SNX24: variants seen among roughly 807,000 people sequenced by gnomAD.
The protein encoded by SNX24 is sorting nexin 24.
In SNX24, 22 loss-of-function variants were observed where a neutral mutation model predicts 28.7. The observed-to-expected ratio is 0.77, with a 90% CI of 0.55 to 1.10. The LOEUF is 1.10. Ranked by LOEUF, SNX24 falls within the 50% of genes least tolerant of loss-of-function variation. The pLI is 0.00. For synonymous variants in SNX24, 69 were observed against 71.5 expected, an observed-to-expected ratio of 0.96 and a Z score of 0.18; for missense variants, 221 against 201.1, an observed-to-expected ratio of 1.10 and a Z score of -0.60.
chr5:122,954,957 C>T (rs1360961444), intron 3 of SNX24, among the ~76,000 whole-genome samples: 1 of 152,030 alleles, frequency 6.6e-6, no homozygotes, highest in Non-Finnish European at 1.5e-5. Flanking sequence ...AGTACACTTT[C>T]AGCTCCTTCT....
intron 2 of SNX24, among the ~76,000 whole-genome samples, chr5:122,944,514 A>T (rs1759597110): frequency 6.6e-6 from 1 of 152,152 alleles, no homozygotes; most frequent in Admixed American, 6.5e-5. Flanking sequence ...TTCATGTGGG[A>T]TTAGATTTGG....
rs1166929162 is a variant in SNX24 at position 122,974,896 on chromosome 5, C to T, written c.250-25016C>T. Among the ~76,000 whole-genome samples, 6 of 152,190 alleles carry T rather than the reference C, an allele frequency of 3.9e-5. No homozygotes were observed. The East Asian group carries it at 1.2e-3, about 29-fold the overall frequency. On this transcript the variant is annotated intron_variant, in intron 3 of 6. Coordinates refer to ENST00000261369, the MANE Select transcript of SNX24 (RefSeq NM_014035.4). ...CAGGGAGCCAATGTGTGGGTGCTGC[C>T]AGCTGCTAATCATGTCTATACCAAT...
intron 1 of SNX24, among the ~76,000 whole-genome samples, chr5:122,894,095 G>A (rs2910135): frequency 0.81 from 122,427 of 152,038 alleles, 50,061 homozygotes; most frequent in East Asian, 0.99. Flanking sequence ...AATCAATTTA[G>A]TATGCAGTTA....
intron 3 of SNX24, among the ~76,000 whole-genome samples, chr5:122,993,811 G>A (rs1335963698): frequency 2.0e-5 from 3 of 152,248 alleles, no homozygotes; most frequent in East Asian, 1.9e-4. Context: ...GTTTTTAGCC[G>A]TATCTCTGAA....
intron 5 of SNX24, among the ~76,000 whole-genome samples, chr5:123,018,967 G>C (rs1303948747): frequency 1.3e-5 from 2 of 152,064 alleles, no homozygotes; most frequent in East Asian, 1.9e-4. Context: ...TTACAGGCAT[G>C]AGCCACCGCG....
intron 1 of SNX24, among the ~76,000 whole-genome samples, chr5:122,884,251 CTTTTT>C (rs758617172): frequency 5.4e-5 from 5 of 92,782 alleles, no homozygotes; most frequent in African/African-American, 1.3e-4. Flanking sequence ...GTTTCTTTTT[CTTTTT>C]TTTTTTTTTT....
At chr5:123,023,838 C>CG (rs776662400) in intron 5 of SNX24, 1 of 1,311,146 alleles carries the variant, frequency 7.6e-7, no homozygotes, top group Non-Finnish European at 1.1e-6. Flanking sequence ...ACACACACAC[C>CG]CCTGCCAAAG....
intron 3 of SNX24, among the ~76,000 whole-genome samples, chr5:122,991,649 T>C (rs774344595): frequency 4.6e-5 from 7 of 151,936 alleles, no homozygotes; most frequent in Non-Finnish European, 7.4e-5. Flanking sequence ...TTAGTAGAGA[T>C]GGGGCTTCTC....
At chr5:122,976,048 T>C (rs1227422491) in intron 3 of SNX24, among the ~76,000 whole-genome samples, 1 of 152,176 alleles carries the variant, frequency 6.6e-6, no homozygotes, top group East Asian at 1.9e-4. Flanking sequence ...GTTAAAAATG[T>C]ATTGGAATAT....
At chr5:123,018,325 T>C (rs2150186317) in intron 5 of SNX24, among the ~76,000 whole-genome samples, 1 of 152,256 alleles carries the variant, frequency 6.6e-6, no homozygotes, top group South Asian at 2.1e-4. Flanking sequence ...GTGCAGCTCC[T>C]GGTGTCCAGC....
At chr5:122,895,440 G>A (rs1332187602) in intron 1 of SNX24, among the ~76,000 whole-genome samples, 1 of 152,184 alleles carries the variant, frequency 6.6e-6, no homozygotes, top group East Asian at 1.9e-4. Context: ...GCCCCCCTGA[G>A]ATAATCCACA....
At chr5:122,929,440 CT>C (rs34840907) in intron 1 of SNX24, among the ~76,000 whole-genome samples, 15 of 148,318 alleles carry the variant, frequency 1.0e-4, no homozygotes, top group Admixed American at 2.0e-4. Context: ...CTCCAATAGC[CT>C]TTTTTTTTTA....
At chr5:122,884,344 C>T (rs1756613358) in intron 1 of SNX24, among the ~76,000 whole-genome samples, 1 of 150,518 alleles carries the variant, frequency 6.6e-6, no homozygotes, top group Non-Finnish European at 1.5e-5. Flanking sequence ...CTCCGCCTCC[C>T]TGGTTCAAGC....
In SNX24 at chr5:122,905,128, C is replaced by T. The variant is rs118173444; in HGVS notation, c.61-31606C>T. 2.8e-4 allele frequency among the ~76,000 whole-genome samples: 43 copies of T among 151,414 alleles called. 1 individual carries two copies. The East Asian group carries it at 6.6e-3, about 23-fold the overall frequency. On this transcript the variant is annotated intron_variant, in intron 1 of 6. Transcript: ENST00000261369. ...ACACTCCAGCTGTGTAGATGTGAAA[C>T]AAGACTAAATAGGCATATTTGACTT...
intron 1 of SNX24, among the ~76,000 whole-genome samples, chr5:122,875,338 A>ATAT (rs1487310437): frequency 6.6e-6 from 1 of 152,252 alleles, no homozygotes; most frequent in Non-Finnish European, 1.5e-5. Context: ...CAGAACTCAG[A>ATAT]TATTAAGATT....
At chr5:122,872,210 C>T (rs560208784) in intron 1 of SNX24, among the ~76,000 whole-genome samples, 3 of 151,028 alleles carry the variant, frequency 2.0e-5, no homozygotes, top group African/African-American at 7.3e-5. Flanking sequence ...TCAAAAGATC[C>T]CTGCAGCGCT....
chr5:122,923,289 T>C (rs1422634856), intron 1 of SNX24, among the ~76,000 whole-genome samples: 1 of 151,190 alleles, frequency 6.6e-6, no homozygotes, highest in Non-Finnish European at 1.5e-5. Flanking sequence ...CCATGAGGTA[T>C]GATTACACCA....
chr5:122,938,209 G>C (rs375712267), intron 2 of SNX24, among the ~76,000 whole-genome samples: 8 of 152,242 alleles, frequency 5.3e-5, no homozygotes, highest in African/African-American at 1.2e-4. Flanking sequence ...TTCTGGAGGC[G>C]AGGCTTGTTC....
At chr5:122,927,155 A>T (rs1441101842) in intron 1 of SNX24, among the ~76,000 whole-genome samples, 1 of 152,148 alleles carries the variant, frequency 6.6e-6, no homozygotes, top group African/African-American at 2.4e-5. Flanking sequence ...TGCCATTATA[A>T]ACTCCATGTT....
Sources: gnomAD v4.1 joint callset for allele counts (sites outside exome capture counted in the v4.1 genomes callset) on GRCh38, gnomAD v4.1.1 for gene constraint, MANE v1.5 for transcripts, NCBI Gene and HGNC (gene_info 2026-07-23, HGNC 2026-07-21) for gene names.